Variants in CFAP54 observed in about 807,000 individuals in gnomAD.
CFAP54 encodes the protein cilia and flagella associated protein 54, also known as cilia- and flagella-associated protein 54.
CFAP54 carries 290 observed loss-of-function variants against 370.4 expected under a neutral mutation model. The observed-to-expected ratio is 0.78, with a 90% CI of 0.71 to 0.86. The LOEUF is 0.86. CFAP54 is among the 40% of genes least tolerant of loss of function. CFAP54 has a pLI of 0.00. For synonymous variants in CFAP54, 1,206 were observed against 1,236.5 expected, an observed-to-expected ratio of 0.98 and a Z score of 0.52; for missense variants, 3,399 against 3,528.7, an observed-to-expected ratio of 0.96 and a Z score of 0.93.
rs778677291 is a variant in CFAP54, at chr12:96,757,550, C to A, written c.8002C>A (p.Pro2668Thr). 3.8e-6 allele frequency: 6 copies of A among 1,598,274 alleles called. No homozygotes were observed. Among genetic ancestry groups the A allele is most frequent in the Non-Finnish European group, 5.1e-6 (6 of 1,169,678 alleles). Residue 2668 changes from proline to threonine, a missense_variant, in exon 58 of 68, where the codon CCA (proline) becomes ACA (threonine). Pro to Thr is a conservative substitution (Grantham distance 38, BLOSUM62 -1). Coordinates refer to ENST00000524981, the MANE Select transcript of CFAP54 (RefSeq NM_001306084.2). Reference sequence around the variant, plus strand: ...TCTATTGTATTTTCATCTGAAGAAGCCAAAGATAAAAATTTCAGGATCACC... The same window carrying A: ...TCTATTGTATTTTCATCTGAAGAAGACAAAGATAAAAATTTCAGGATCACC... Reference protein sequence around the residue: ...MALLYFHLKKPKIKISGSPLT... With the variant: ...MALLYFHLKKTKIKISGSPLT...
intron 21 of CFAP54, 78 bp downstream of exon 21, chr12:96,580,767 G>C: frequency 8.7e-7 from 1 of 1,143,480 alleles, no homozygotes; most frequent in Non-Finnish European, 1.2e-6. Context: ...TCATTGTTTT[G>C]GTGAATCTCT....
chr12:96,787,328 GTAAA>G (rs10610138), intron 62 of CFAP54, among the ~76,000 whole-genome samples: 49,331 of 151,810 alleles, frequency 0.32, 8,257 homozygotes, highest in South Asian at 0.54. Flanking sequence ...AATTGTGAGT[GTAAA>G]TAAATAATAG....
intron 38 of CFAP54, among the ~76,000 whole-genome samples, chr12:96,663,278 C>G (rs572567219): frequency 6.6e-6 from 1 of 152,118 alleles, no homozygotes; most frequent in Non-Finnish European, 1.5e-5. Context: ...TAGGTTAGTT[C>G]AAGGGATGGG....
chr12:96,679,658 G>A lies in CFAP54; in HGVS notation c.5622G>A (p.Arg1874=). 6.2e-7 allele frequency: 1 copy of A among 1,613,684 alleles called. No homozygotes were observed. The highest frequency in any genetic ancestry group is 8.5e-7 in the Non-Finnish European group (1 of 1,179,782). ...CVPVDVTDTL[R]CFRETLEKSK... ...CCGTGGACGTGACAGACACCTTGAG[G>A]TGTTTTAGAGAGACACTGGAAAAAT... The change falls in exon 40 of 68, where the codon AGG becomes AGA. Residue 1874 remains arginine, a synonymous_variant. Transcript: ENST00000524981.
intron 39 of CFAP54, among the ~76,000 whole-genome samples, chr12:96,675,402 C>A (rs1225431519): frequency 6.6e-6 from 1 of 152,180 alleles, no homozygotes; most frequent in Non-Finnish European, 1.5e-5. Context: ...CATCTCACAC[C>A]AGTTAGAATG....
At chr12:96,685,444 C>T (rs1797601763) in intron 42 of CFAP54, among the ~76,000 whole-genome samples, 1 of 152,158 alleles carries the variant, frequency 6.6e-6, no homozygotes, top group African/African-American at 2.4e-5. Flanking sequence ...AACTCTTGCC[C>T]CAAAATATCA....
chr12:96,859,074 C>T (rs1959793207), intron 66 of CFAP54, among the ~76,000 whole-genome samples: 1 of 152,066 alleles, frequency 6.6e-6, no homozygotes, highest in African/African-American at 2.4e-5. Flanking sequence ...ACCAATGGAA[C>T]AGAATAGAGA....
intron 46 of CFAP54, 137 bp downstream of exon 46, chr12:96,700,230 A>G: frequency 1.1e-6 from 1 of 938,068 alleles, no homozygotes; most frequent in Non-Finnish European, 1.6e-6. Flanking sequence ...GTTACAACTA[A>G]CATCAGGATT....
chr12:96,528,460 G>T (rs1297968174), intron 9 of CFAP54, among the ~76,000 whole-genome samples: 2 of 152,122 alleles, frequency 1.3e-5, no homozygotes, highest in East Asian at 3.8e-4. Context: ...CTCATAAAAT[G>T]AGTTGAGAAG....
intron 50 of CFAP54, among the ~76,000 whole-genome samples, chr12:96,733,775 A>G (rs1027910681): frequency 1.1e-4 from 17 of 152,162 alleles, no homozygotes; most frequent in Non-Finnish European, 1.8e-4. Flanking sequence ...GTGGATTAGG[A>G]CATACTGGTA....
intron 66 of CFAP54, among the ~76,000 whole-genome samples, chr12:96,848,219 G>A (rs1195780163): frequency 1.3e-5 from 2 of 152,104 alleles, no homozygotes; most frequent in East Asian, 3.9e-4. Context: ...TGGCATTACA[G>A]GCATGCACCA....
intron 57 of CFAP54, among the ~76,000 whole-genome samples, chr12:96,756,995 A>G (rs1360181607): frequency 6.6e-6 from 1 of 152,192 alleles, no homozygotes; most frequent in Non-Finnish European, 1.5e-5. Context: ...CTTTATTACA[A>G]CTGCACTGAT....
At chr12:96,812,881 CCTCTT>C (rs939586375) in intron 64 of CFAP54, among the ~76,000 whole-genome samples, 5 of 151,920 alleles carry the variant, frequency 3.3e-5, no homozygotes, top group Admixed American at 6.6e-5. Flanking sequence ...CTTCTTTTCT[CCTCTT>C]CTCTCCTGTT....
intron 6 of CFAP54, 138 bp from the exon 7 acceptor site, chr12:96,521,719 T>A: frequency 1.8e-6 from 1 of 559,370 alleles, no homozygotes; most frequent in Non-Finnish European, 3.1e-6. Flanking sequence ...AATGATAGAC[T>A]GGATAAAAGG....
intron 20 of CFAP54, among the ~76,000 whole-genome samples, chr12:96,579,200 T>C (rs1956008599): frequency 6.6e-6 from 1 of 152,144 alleles, no homozygotes; most frequent in Non-Finnish European, 1.5e-5. Flanking sequence ...ATTTTTTTTT[T>C]CTACCCTATT....
At chr12:96,676,178 C>T (rs879354244) in intron 39 of CFAP54, among the ~76,000 whole-genome samples, 4 of 152,116 alleles carry the variant, frequency 2.6e-5, no homozygotes, top group Non-Finnish European at 5.9e-5. Flanking sequence ...CACTCTGCAC[C>T]TCCACACACA....
chr12:96,678,926 A>G (rs1451224910), intron 39 of CFAP54, among the ~76,000 whole-genome samples: 1 of 152,114 alleles, frequency 6.6e-6, no homozygotes, highest in African/African-American at 2.4e-5. Flanking sequence ...GAAGAAATAC[A>G]TTCTTTTGTT....
intron 15 of CFAP54, among the ~76,000 whole-genome samples, chr12:96,553,510 GTATAGTAATATATATAGTTATATATATA>G (rs1351458266): frequency 1.4e-5 from 1 of 72,136 alleles, no homozygotes; most frequent in Non-Finnish European, 2.9e-5. Context: ...AGTAATATAT[GTATAGTAATATATATAGTTATATATATA>G]TATAGTAATA....
intron 55 of CFAP54, among the ~76,000 whole-genome samples, chr12:96,752,437 A>ATGAC (rs1350121839): frequency 6.6e-6 from 1 of 152,210 alleles, no homozygotes; most frequent in Non-Finnish European, 1.5e-5. Flanking sequence ...GGTAGCACCA[A>ATGAC]TGACTGGCCA....
Sources: gnomAD v4.1 joint callset for allele counts (sites outside exome capture counted in the v4.1 genomes callset) on GRCh38, gnomAD v4.1.1 for gene constraint, MANE v1.5 for transcripts, NCBI Gene and HGNC (gene_info 2026-07-23, HGNC 2026-07-21) for gene names.